Variants in PODN observed in about 807,000 individuals in gnomAD.
PODN encodes the protein podocan, also known as podocan proteoglycan.
In PODN, 40 loss-of-function variants were observed where a neutral mutation model predicts 52.7. The observed-to-expected ratio is 0.76, with a 90% CI of 0.59 to 0.99. The LOEUF is 0.99. Ranked by LOEUF, PODN falls within the 50% of genes least tolerant of loss-of-function variation. PODN has a pLI of 0.00. For synonymous variants in PODN, 396 were observed against 377.9 expected, an observed-to-expected ratio of 1.05 and a Z score of -0.56; for missense variants, 720 against 815.1, an observed-to-expected ratio of 0.88 and a Z score of 1.42.
chr1:53,065,395 G>C (rs1644017210), intron 1 of PODN, among the ~76,000 whole-genome samples: 1 of 152,106 alleles, frequency 6.6e-6, no homozygotes, highest in Admixed American at 6.5e-5. Context: ...GACTCAGATG[G>C]GTCAGTGGTA....
intron 3 of PODN, among the ~76,000 whole-genome samples, chr1:53,072,365 A>G (rs1315357823): frequency 6.6e-6 from 1 of 152,230 alleles, no homozygotes; most frequent in African/African-American, 2.4e-5. Flanking sequence ...TAAGCTTTCT[A>G]AATTTGGTTT....
chr1:53,076,102 C>A, intron 5 of PODN, 131 bp downstream of exon 5: 2 of 750,558 alleles, frequency 2.7e-6, no homozygotes, highest in Non-Finnish European at 2.2e-6. Flanking sequence ...TGGAGGGACA[C>A]CCAGGGGCCC....
chr1:53,071,871 CACTT>C (rs1644124348), intron 3 of PODN, among the ~76,000 whole-genome samples: 3 of 151,682 alleles, frequency 2.0e-5, no homozygotes, highest in Non-Finnish European at 4.4e-5. Context: ...TTGACATAGT[CACTT>C]ACTTTAATAA....
Position 53,084,539 on chromosome 1 carries a change from G to A in PODN, c.*54G>A. 6.6e-6 allele frequency: 1 copy of A among 152,384 alleles called. No individual in the cohort carries two copies. Among genetic ancestry groups the A allele is most frequent in the Non-Finnish European group, 1.5e-5 (1 of 68,188 alleles). 9.4% of individuals were successfully genotyped at this position (152,384 alleles called of 1,614,324 possible). A position where few individuals can be genotyped will look rare whatever the true frequency, so the allele number is the denominator to read the frequency against. On this transcript the variant is annotated 3_prime_UTR_variant, in exon 11 of 11. Coordinates refer to ENST00000312553, the MANE Select transcript of PODN (RefSeq NM_153703.5). The stretch of plus-strand genomic sequence containing the variant: ...ACGATGGACCGCCGGACTCTTTTCT[G>A]CAGCACACGCCTGTGTGCTGTGAGC...
chr1:53,077,391 C>T, intron 6 of PODN, 45 bp downstream of exon 6: 1 of 1,604,190 alleles, frequency 6.2e-7, no homozygotes. Context: ...ACCCCACAGC[C>T]AGGGCACTGG....
intron 2 of PODN, 72 bp downstream of exon 2, chr1:53,070,239 A>G: frequency 6.3e-7 from 1 of 1,578,036 alleles, no homozygotes; most frequent in Admixed American, 1.9e-5. Flanking sequence ...CAGAACCCTG[A>G]CACTCCAAGC....
Position 53,078,627 on chromosome 1 carries a change from C to G in PODN, c.1117C>G (p.Arg373Gly). Residue 373 changes from arginine (R) to glycine (G), a missense_variant, in exon 8 of 11, where the codon CGC becomes GGC. By Grantham distance (125) the Arg-to-Gly change is moderately radical. Coordinates refer to ENST00000312553, the MANE Select transcript of PODN (RefSeq NM_153703.5). ...GCACCTGTACAACAACGCGCTGGAG[C>G]GCGTGCCCAGTGGCCTGCCTCGCCG... The part of the protein sequence containing the change: ...TVHLYNNALE[R>G]VPSGLPRRVR... The G allele has an allele frequency of 6.2e-7, 1 of 1,612,998 alleles. No homozygotes were observed. Among genetic ancestry groups the G allele is most frequent in the South Asian group, 1.1e-5 (1 of 91,074 alleles).
At chr1:53,071,812 C>T (rs1041740016) in intron 3 of PODN, among the ~76,000 whole-genome samples, 184 bp downstream of exon 3, 10 of 151,622 alleles carry the variant, frequency 6.6e-5, no homozygotes, top group African/African-American at 2.4e-4. Context: ...GGCAAGGGGG[C>T]TCCCTATTGT....
Position 53,080,819 on chromosome 1 carries a change from G to A in PODN, c.1604G>A (p.Ser535Asn), listed in dbSNP as rs1157164437. 7 of 1,614,090 alleles carry A rather than the reference G, an allele frequency of 4.3e-6. No individual in the cohort carries two copies. Among genetic ancestry groups the A allele is most frequent in the South Asian group, 1.1e-5 (1 of 91,082 alleles). ...CTGTACCTGCAGAACAACAAGATTA[G>A]TGCGGTGCCCGCCAATGCCTTCGAC... ...EYLYLQNNKI[S>N]AVPANAFDST... The change falls in exon 9 of 11, where the codon AGT becomes AAT. Residue 535 changes from serine (S) to asparagine (N), a missense_variant. By Grantham distance (46) the Ser-to-Asn change is conservative (BLOSUM62 1). Transcript: ENST00000312553.
rs562830546 is a variant in PODN at position 53,063,669 on chromosome 1, C to G, written c.-56+1361C>G. The G allele has an allele frequency of 1.1e-5, 8 of 761,326 alleles. No homozygotes were observed. The East Asian group carries it at 9.0e-4, about 86-fold the overall frequency. The allele number at this position is 761,326 out of a possible 1,614,324, so 47.2% of individuals were successfully genotyped here. A position where few individuals can be genotyped will look rare whatever the true frequency, so the allele number is the denominator to read the frequency against. On this transcript the variant is annotated intron_variant, in intron 1 of 10. Transcript: ENST00000312553. ...CTTAGGGCCCAAGACCCAGTCTACT[C>G]TAGCCTAGAGTGCAAGTTAAGAAAT...
At chr1:53,073,891 T>C (rs1257191058) in intron 3 of PODN, 1 of 152,304 alleles carries the variant, frequency 6.6e-6, no homozygotes, top group African/African-American at 2.4e-5. Flanking sequence ...AACTCGTGGC[T>C]GAACACATGC....
chr1:53,076,106 G>A lies in PODN; in HGVS notation c.581+135G>A. 2.0e-5 allele frequency: 15 copies of A among 746,224 alleles called. No individual in the cohort carries two copies. In the South Asian group the frequency reaches 2.3e-4, roughly 12 times the overall value. 46.2% of individuals were successfully genotyped at this position (746,224 alleles called of 1,614,324 possible). A position where few individuals can be genotyped will look rare whatever the true frequency, so the allele number is the denominator to read the frequency against. On this transcript the variant is annotated intron_variant, in intron 5 of 10. Transcript: ENST00000312553. Reference sequence around the variant, plus strand: ...CAGGGCTGTGGTGGAGGGACACCCAGGGGCCCTAACAGAGGAGGACAACTC... The same window carrying A: ...CAGGGCTGTGGTGGAGGGACACCCAAGGGCCCTAACAGAGGAGGACAACTC...
chr1:53,063,006 C>T (rs900006215), intron 1 of PODN, among the ~76,000 whole-genome samples: 1 of 152,206 alleles, frequency 6.6e-6, no homozygotes, highest in Non-Finnish European at 1.5e-5. Context: ...TGGGGGTCCG[C>T]GAAGCGCGAG....
At position 53,077,675 on chromosome 1, in the gene PODN, C is replaced by T. The variant is rs1557655016; in HGVS notation, c.739-10C>T. 1 of 1,608,832 alleles carries T rather than the reference C, an allele frequency of 6.2e-7. No individual in the cohort carries two copies. The highest frequency in any genetic ancestry group is 8.5e-7 in the Non-Finnish European group (1 of 1,177,044). On this transcript the variant is annotated splice_polypyrimidine_tract_variant and intron_variant, in intron 6 of 10. Coordinates refer to ENST00000312553, the MANE Select transcript of PODN (RefSeq NM_153703.5). The stretch of plus-strand genomic sequence containing the variant: ...CCTCACAATCTCCTCCCTTCCCTTC[C>T]ATCCCCCAGAACAACAAGCTGGAGA...
intron 5 of PODN, among the ~76,000 whole-genome samples, chr1:53,076,292 G>A (rs778930174): frequency 6.6e-6 from 1 of 152,254 alleles, no homozygotes; most frequent in Admixed American, 6.5e-5. Context: ...CCCCAGCATA[G>A]GTGTGCGAGA....
intron 3 of PODN, 142 bp downstream of exon 3, chr1:53,071,770 C>A: frequency 2.6e-6 from 2 of 782,028 alleles, no homozygotes; most frequent in Non-Finnish European, 4.1e-6. Flanking sequence ...GCCAGGCTAG[C>A]AGTGGGGCTG....
intron 3 of PODN, 77 bp downstream of exon 3, chr1:53,071,705 G>T (rs1353832839): frequency 2.1e-6 from 3 of 1,405,840 alleles, no homozygotes; most frequent in Middle Eastern, 1.8e-4. Context: ...GGGTGCCCAG[G>T]GGGAGAGCTT....
At chr1:53,071,974 A>G (rs1378143281) in intron 3 of PODN, among the ~76,000 whole-genome samples, 1 of 152,096 alleles carries the variant, frequency 6.6e-6, no homozygotes, top group Non-Finnish European at 1.5e-5. Flanking sequence ...GTAGTATATA[A>G]GTTTGTGTAT....
At chr1:53,076,321 G>A (rs1403312500) in intron 5 of PODN, among the ~76,000 whole-genome samples, 1 of 152,224 alleles carries the variant, frequency 6.6e-6, no homozygotes, top group Admixed American at 6.5e-5. Context: ...TGGTGCAGGC[G>A]GGGTGGGGGG....
Sources: allele counts gnomAD v4.1 joint callset (sites outside exome capture counted in the v4.1 genomes callset), GRCh38; gene constraint gnomAD v4.1.1; transcripts MANE v1.5; gene names NCBI Gene and HGNC (gene_info 2026-07-23, HGNC 2026-07-21).